The following PLXNA4 variants were observed in gnomAD, a reference collection of about 807,000 sequenced individuals.
PLXNA4 encodes the protein plexin A4.
A neutral mutation model predicts 191.8 loss-of-function variants in PLXNA4; 44 were observed. The observed-to-expected ratio is 0.23, with a 90% CI of 0.18 to 0.29. PLXNA4 has a LOEUF of 0.29. PLXNA4 is among the 10% of genes least tolerant of loss of function. The probability of loss-of-function intolerance (pLI) is 1.00; values close to 1 mark genes in which losing one functional copy is unlikely to be tolerated. For synonymous variants in PLXNA4, 1,082 were observed against 1,009.5 expected (o/e 1.07, Z -1.36); for missense variants, 1,800 against 2,488.8 (o/e 0.72, Z 5.89).
intron 2 of PLXNA4, among the ~76,000 whole-genome samples, chr7:132,583,787 G>A (rs964953789): frequency 1.3e-5 from 2 of 152,108 alleles, no homozygotes; most frequent in African/African-American, 4.8e-5. Context: ...CCTAACGCAC[G>A]CCTGCTGACT....
chr7:132,371,472 C>T (rs967217944), intron 3 of PLXNA4, among the ~76,000 whole-genome samples: 8 of 152,126 alleles, frequency 5.3e-5, no homozygotes, highest in African/African-American at 1.9e-4. Flanking sequence ...ATGTCAGTAC[C>T]GCTTAGATGT....
At chr7:132,259,820 G>A (rs193221792) in intron 4 of PLXNA4, among the ~76,000 whole-genome samples, 181 of 152,344 alleles carry the variant, frequency 1.2e-3, no homozygotes, top group African/African-American at 4.2e-3. Flanking sequence ...ATCAAGCCAT[G>A]AGGAGATATG....
chr7:132,632,064 C>T (rs953786550), intron 2 of PLXNA4, among the ~76,000 whole-genome samples: 1 of 151,946 alleles, frequency 6.6e-6, no homozygotes, highest in African/African-American at 2.4e-5. Flanking sequence ...GTGAAACCCC[C>T]GTCTCTACTA....
At chr7:132,180,431 A>G (rs1213861988) in intron 19 of PLXNA4, among the ~76,000 whole-genome samples, 155 bp downstream of exon 19, 1 of 152,220 alleles carries the variant, frequency 6.6e-6, no homozygotes, top group Non-Finnish European at 1.5e-5. Context: ...AGAGAAGCTC[A>G]AAAGTGAACA....
intron 3 of PLXNA4, among the ~76,000 whole-genome samples, chr7:132,317,935 G>A (rs1264429095): frequency 6.6e-6 from 1 of 152,218 alleles, no homozygotes; most frequent in Admixed American, 6.5e-5. Flanking sequence ...AAGGGTCGGG[G>A]CCAGGCAGGC....
chr7:132,590,756 A>T (rs1376002405), intron 2 of PLXNA4, among the ~76,000 whole-genome samples: 1 of 152,144 alleles, frequency 6.6e-6, no homozygotes, highest in Non-Finnish European at 1.5e-5. Context: ...TTCTTTGGCA[A>T]CACCCTCACA....
intron 2 of PLXNA4, among the ~76,000 whole-genome samples, chr7:132,589,436 T>C (rs1263800178): frequency 6.6e-6 from 1 of 152,184 alleles, no homozygotes; most frequent in Admixed American, 6.5e-5. Flanking sequence ...AGTTAAGATT[T>C]TAAATTATAG....
At chr7:132,448,961 A>T (rs775542110) in intron 3 of PLXNA4, among the ~76,000 whole-genome samples, 1 of 152,380 alleles carries the variant, frequency 6.6e-6, no homozygotes, top group Admixed American at 6.5e-5. Context: ...GTACCTGGTA[A>T]GATATTAATG....
intron 4 of PLXNA4, among the ~76,000 whole-genome samples, chr7:132,275,910 T>C: frequency 6.6e-6 from 1 of 152,216 alleles, no homozygotes; most frequent in East Asian, 1.9e-4. Flanking sequence ...GTCTTTTCCA[T>C]TGCTGTTCCC....
chr7:132,401,879 C>T (rs1194819617), intron 3 of PLXNA4, among the ~76,000 whole-genome samples: 1 of 152,140 alleles, frequency 6.6e-6, no homozygotes. Context: ...GCCAATTCCC[C>T]AGAAGGCACT....
chr7:132,247,994 C>T (rs1387769080), intron 4 of PLXNA4, among the ~76,000 whole-genome samples: 2 of 152,204 alleles, frequency 1.3e-5, no homozygotes, highest in Non-Finnish European at 2.9e-5. Flanking sequence ...TTTATGTCTC[C>T]ACCCCTATGG....
chr7:132,564,027 C>A (rs1160410806), intron 1 of PLXNA4, among the ~76,000 whole-genome samples: 1 of 29,202 alleles, frequency 3.4e-5, no homozygotes, highest in Non-Finnish European at 6.6e-5. Context: ...TCCTTCTCCT[C>A]CTCCTTCTCC....
chr7:132,561,628 CCTCCTCCTCCTT>C (rs1308585159), intron 1 of PLXNA4, among the ~76,000 whole-genome samples: 1 of 131,812 alleles, frequency 7.6e-6, no homozygotes, highest in Non-Finnish European at 1.6e-5. Flanking sequence ...TCCTCCTCTT[CCTCCTCCTCCTT>C]CTCCTCCTCT....
At chr7:132,384,979 G>A (rs572768622) in intron 3 of PLXNA4, 1 of 1,371,892 alleles carries the variant, frequency 7.3e-7, no homozygotes, top group Admixed American at 3.1e-5. Flanking sequence ...GGGACGCTTG[G>A]GGCAGAGAAA....
At chr7:132,465,438 T>TAG (rs1465991869) in intron 3 of PLXNA4, among the ~76,000 whole-genome samples, 2 of 152,240 alleles carry the variant, frequency 1.3e-5, no homozygotes, top group African/African-American at 4.8e-5. Flanking sequence ...TTTACAATCT[T>TAG]TGTTCCTGGG....
chr7:132,216,771 C>A (rs570294492), intron 9 of PLXNA4, among the ~76,000 whole-genome samples: 1 of 152,150 alleles, frequency 6.6e-6, no homozygotes, highest in Non-Finnish European at 1.5e-5. Context: ...ATGATGAGCA[C>A]AGTATTTTCA....
At chr7:132,617,120 C>T (rs1352512643) in intron 2 of PLXNA4, among the ~76,000 whole-genome samples, 1 of 152,182 alleles carries the variant, frequency 6.6e-6, no homozygotes, top group African/African-American at 2.4e-5. Flanking sequence ...TACATCAGCA[C>T]AACCTAGCTT....
intron 30 of PLXNA4, among the ~76,000 whole-genome samples, chr7:132,134,379 A>G (rs981447296): frequency 6.6e-6 from 1 of 152,076 alleles, no homozygotes; most frequent in Admixed American, 6.6e-5. Flanking sequence ...ACTGGCAGAG[A>G]TGGTTTTCCT....
At chr7:132,243,055 G>C (rs777676455) in intron 4 of PLXNA4, among the ~76,000 whole-genome samples, 1 of 152,118 alleles carries the variant, frequency 6.6e-6, no homozygotes, top group African/African-American at 2.4e-5. Context: ...AATGGCAATT[G>C]AACTGTTGCT....
Sources: allele counts gnomAD v4.1 joint callset (sites outside exome capture counted in the v4.1 genomes callset), GRCh38; gene constraint gnomAD v4.1.1; transcripts MANE v1.5; gene names NCBI Gene and HGNC (gene_info 2026-07-23, HGNC 2026-07-21).